Variants in SPTBN1 observed in about 807,000 individuals in gnomAD.
SPTBN1 encodes spectrin beta, non-erythrocytic 1.
Under a neutral mutation model 266.4 loss-of-function variants are expected in SPTBN1, and 32 were observed. That is an observed-to-expected ratio of 0.12 (90% CI 0.09 to 0.16). The LOEUF is 0.16. Among genes scored for constraint, SPTBN1 ranks in the 10% least tolerant of loss-of-function variants. The probability of loss-of-function intolerance (pLI) is 1.00; values close to 1 mark genes in which losing one functional copy is unlikely to be tolerated. For synonymous variants in SPTBN1, 1,336 were observed against 1,162.2 expected, an observed-to-expected ratio of 1.15 and a Z score of -3.04; for missense variants, 2,296 against 3,067.1, an observed-to-expected ratio of 0.75 and a Z score of 5.94.
At chr2:54,493,620 T>A (rs1668808760) in intron 1 of SPTBN1, among the ~76,000 whole-genome samples, 1 of 152,194 alleles carries the variant, frequency 6.6e-6, no homozygotes, top group East Asian at 1.9e-4. Flanking sequence ...CCGGCTAGTC[T>A]TGAACTCCTT....
At chr2:54,550,184 T>C (rs1392428941) in intron 2 of SPTBN1, among the ~76,000 whole-genome samples, 1 of 152,234 alleles carries the variant, frequency 6.6e-6, no homozygotes, top group Non-Finnish European at 1.5e-5. Context: ...GTATTTATTT[T>C]ACAGTAATCT....
Position 54,558,743 on chromosome 2 carries a change from C to T in SPTBN1, c.148+32177C>T. 6.3e-7 allele frequency: 1 copy of T among 1,599,386 alleles called. No homozygotes were observed. The highest frequency in any genetic ancestry group is 1.7e-4 in the Middle Eastern group (1 of 5,946). On this transcript the variant is annotated intron_variant, in intron 2 of 35. Coordinates refer to ENST00000356805, the MANE Select transcript of SPTBN1 (RefSeq NM_003128.3). This position sits in a 1 kb window ranked among gnomAD's most constrained non-coding sequence, Gnocchi z 4.6. ...TGGGAGGGGGCTGGAGCGAGATTTCCAGGGCGCAGTCCTCCGGGGCGTTAC... is the reference window on the plus strand; with the variant it reads ...TGGGAGGGGGCTGGAGCGAGATTTCTAGGGCGCAGTCCTCCGGGGCGTTAC...
At chr2:54,613,191 G>A (rs1329034833) in intron 4 of SPTBN1, among the ~76,000 whole-genome samples, 4 of 152,144 alleles carry the variant, frequency 2.6e-5, no homozygotes, top group Admixed American at 2.6e-4. Context: ...GGAAAGGCAG[G>A]AACAACTTTG....
At chr2:54,575,495 C>T (rs1196835834) in intron 2 of SPTBN1, among the ~76,000 whole-genome samples, 5 of 152,234 alleles carry the variant, frequency 3.3e-5, no homozygotes, top group Admixed American at 6.5e-5. Flanking sequence ...ACAAAACTGA[C>T]GTCCACCCAC....
intron 2 of SPTBN1, among the ~76,000 whole-genome samples, chr2:54,562,533 C>CTTTTTTTCTTTCTTTT (rs746897447): frequency 7.9e-6 from 1 of 126,826 alleles, no homozygotes; most frequent in African/African-American, 3.2e-5. Context: ...TTTTCTTTTT[C>CTTTTTTTCTTTCTTTT]TTTTTTTTTT....
At chr2:54,660,867 A>G (rs1346920454) in intron 32 of SPTBN1, 1 of 985,336 alleles carries the variant, frequency 1.0e-6, no homozygotes, top group African/African-American at 1.7e-5. Flanking sequence ...GGCAGGTGAC[A>G]GCCGTTCTCA....
At position 54,646,137 on chromosome 2, in the gene SPTBN1, A is replaced by T; in HGVS notation, c.4585-57A>T. On this transcript the variant is annotated intron_variant, in intron 22 of 35. Coordinates refer to ENST00000356805, the MANE Select transcript of SPTBN1 (RefSeq NM_003128.3). The surrounding 1 kb of genome is among the most constrained non-coding windows in gnomAD (Gnocchi z 4.4). ...CTTTCTGGCCCTAACAGCTTGACAT[A>T]AGCAGCAGACGGCTGCCATTTAGCA... 1 of 1,595,534 alleles carries T rather than the reference A, an allele frequency of 6.3e-7. No individual in the cohort carries two copies. Among genetic ancestry groups the T allele is most frequent in the South Asian group, 1.1e-5 (1 of 88,518 alleles).
chr2:54,618,714 G>GC (rs1677800091), intron 7 of SPTBN1, among the ~76,000 whole-genome samples: 1 of 152,164 alleles, frequency 6.6e-6, no homozygotes, highest in South Asian at 2.1e-4. Context: ...GAGATTGCAG[G>GC]CAGGGGCCTT....
intron 24 of SPTBN1, among the ~76,000 whole-genome samples, chr2:54,648,699 A>G (rs1395459272): frequency 3.9e-5 from 6 of 152,194 alleles, no homozygotes; most frequent in Non-Finnish European, 8.8e-5. Context: ...TCCTGCCCCC[A>G]CTATTCACTG....
intron 2 of SPTBN1, among the ~76,000 whole-genome samples, chr2:54,581,923 C>T (rs1160609090): frequency 6.6e-6 from 1 of 151,982 alleles, no homozygotes; most frequent in East Asian, 1.9e-4. Flanking sequence ...AAGAACTTTG[C>T]GAGACAACAG....
intron 2 of SPTBN1, among the ~76,000 whole-genome samples, chr2:54,548,840 T>C (rs1672399364): frequency 6.6e-6 from 1 of 152,236 alleles, no homozygotes; most frequent in South Asian, 2.1e-4. Flanking sequence ...AAGGTATGCA[T>C]GAGGGGGTGT....
At chr2:54,614,060 A>G (rs1677407471) in intron 4 of SPTBN1, among the ~76,000 whole-genome samples, 5 of 152,172 alleles carry the variant, frequency 3.3e-5, no homozygotes, top group Admixed American at 6.5e-5. Flanking sequence ...GCATATTCCT[A>G]TAATTCAACT....
At chr2:54,610,591 A>C (rs1677146543) in intron 3 of SPTBN1, among the ~76,000 whole-genome samples, 2 of 151,664 alleles carry the variant, frequency 1.3e-5, no homozygotes, top group Admixed American at 6.6e-5. Flanking sequence ...ATATGAGATA[A>C]AAAGATATTT....
At chr2:54,590,536 G>C (rs190871668) in intron 2 of SPTBN1, among the ~76,000 whole-genome samples, 1 of 152,328 alleles carries the variant, frequency 6.6e-6, no homozygotes, top group Admixed American at 6.5e-5. Context: ...GACACAAGAC[G>C]TATAATAAAA....
chr2:54,584,094 C>T (rs940227371), intron 2 of SPTBN1, among the ~76,000 whole-genome samples: 2 of 152,142 alleles, frequency 1.3e-5, no homozygotes, highest in Non-Finnish European at 2.9e-5. Context: ...CAGTTACTTA[C>T]ATTTAAACAT....
At chr2:54,553,605 TAGAAAGC>T (rs1270450575) in intron 2 of SPTBN1, among the ~76,000 whole-genome samples, 3 of 152,240 alleles carry the variant, frequency 2.0e-5, no homozygotes, top group Non-Finnish European at 4.4e-5. Flanking sequence ...GAGATGGCAG[TAGAAAGC>T]AGCAGAGAAT....
intron 1 of SPTBN1, among the ~76,000 whole-genome samples, chr2:54,516,779 T>A (rs913134731): frequency 6.6e-6 from 1 of 152,214 alleles, no homozygotes; most frequent in African/African-American, 2.4e-5. Flanking sequence ...TGACATAGCC[T>A]CAGGAGGTCC....
rs1471962778 is a variant in SPTBN1, at chr2:54,647,202, G to A, written c.4938G>A (p.Glu1646=). 6.2e-7 allele frequency: 1 copy of A among 1,614,150 alleles called. No individual in the cohort carries two copies. Among genetic ancestry groups the A allele is most frequent in the African/African-American group, 1.3e-5 (1 of 75,046 alleles). The part of the protein sequence containing the change: ...ILEQAVEDYA[E]TVHQLSKTSR... ...AACAAGCTGTGGAGGACTATGCAGA[G>A]ACCGTGCATCAGCTCTCCAAGACCA... The change falls in exon 24 of 36, where the codon GAG becomes GAA. Residue 1646 remains glutamate, a synonymous_variant. Coordinates refer to ENST00000356805, the MANE Select transcript of SPTBN1 (RefSeq NM_003128.3).
rs879077992 is a variant in SPTBN1 at position 54,599,235 on chromosome 2, G to C, written c.292G>C (p.Glu98Gln). 6.2e-7 allele frequency: 1 copy of C among 1,614,068 alleles called. No individual in the cohort carries two copies. Among genetic ancestry groups the C allele is most frequent in the African/African-American group, 1.3e-5 (1 of 74,920 alleles). Residue 98 changes from glutamate to glutamine, a missense_variant, in exon 3 of 36, where the codon GAG becomes CAG. By Grantham distance (29) the Glu-to-Gln change is conservative (BLOSUM62 2). This residue lies in a region of SPTBN1 where 178 missense variants were observed against 375.7 expected (regional missense o/e 0.47). Coordinates refer to ENST00000356805, the MANE Select transcript of SPTBN1 (RefSeq NM_003128.3). ...LIKLLEVLSG[E>Q]RLPKPTKGRM... is the part of the protein sequence containing the mutation. ...CAAGCTGCTGGAGGTCCTCTCTGGA[G>C]AGAGGCTGGTGAGTGGAGACCTTAG...
Sources: allele counts gnomAD v4.1 joint callset (sites outside exome capture counted in the v4.1 genomes callset), GRCh38; gene constraint gnomAD v4.1.1; regional missense constraint gnomAD v4.1.1; non-coding constraint Gnocchi (gnomAD v3.1); transcripts MANE v1.5; gene names NCBI Gene and HGNC (gene_info 2026-07-23, HGNC 2026-07-21).